AKAP6: variants seen among roughly 807,000 people sequenced by gnomAD.
AKAP6 encodes A-kinase anchor protein 6.
In AKAP6, 58 loss-of-function variants were observed where a neutral mutation model predicts 188.5. The ratio of observed to expected loss-of-function variants is 0.31; its 90% CI spans 0.25 to 0.38. AKAP6 has a LOEUF of 0.38. AKAP6 is among the 10% of genes least tolerant of loss of function. The probability of loss-of-function intolerance (pLI) is 1.00; values close to 1 mark genes in which losing one functional copy is unlikely to be tolerated. For synonymous variants in AKAP6, 989 were observed against 998.6 expected (o/e 0.99, Z 0.18); for missense variants, 2,710 against 2,740.0 (o/e 0.99, Z 0.24).
intron 9 of AKAP6, among the ~76,000 whole-genome samples, chr14:32,728,695 C>T (rs1005797131): frequency 3.3e-5 from 5 of 152,196 alleles, no homozygotes; most frequent in Non-Finnish European, 5.9e-5. Context: ...GCTTCACTCT[C>T]TGTTCAGCAA....
chr14:32,823,563 C>A lies in AKAP6; in HGVS notation c.5750C>A (p.Ser1917Ter). The A allele has an allele frequency of 6.2e-7, 1 of 1,613,876 alleles. No homozygotes were observed. The highest frequency in any genetic ancestry group is 8.5e-7 in the Non-Finnish European group (1 of 1,179,884). ...AAACCGAATGTGACTTCAAAGGTAT[C>A]AGAAAATCTTGGTTCACATGGGAAA... ...KGKPNVTSKV[S>*]ENLGSHGKEI... Residue 1917 changes from serine (S) to a stop codon, truncating the protein, a stop_gained, in exon 13 of 14, where the codon TCA becomes TAA. Coordinates refer to ENST00000280979, the MANE Select transcript of AKAP6 (RefSeq NM_004274.5). LOFTEE classifies it high-confidence loss of function.
intron 8 of AKAP6, among the ~76,000 whole-genome samples, chr14:32,681,249 T>G (rs1889663501): frequency 6.6e-6 from 1 of 152,232 alleles, no homozygotes; most frequent in African/African-American, 2.4e-5. Context: ...TTTATTTTTC[T>G]AATGAATTTC....
Position 32,822,537 on chromosome 14 carries a change from G to T in AKAP6, c.4724G>T (p.Gly1575Val), listed in dbSNP as rs750773356. The change falls in exon 13 of 14, where the codon GGT becomes GTT. Residue 1575 changes from glycine (G) to valine (V), a missense_variant. Around this residue, in one of 2 missense-constraint regions of AKAP6, gnomAD observed 2,473 missense variants for 2,426.1 expected, o/e 1.02. Coordinates refer to ENST00000280979, the MANE Select transcript of AKAP6 (RefSeq NM_004274.5). ...TCTATTGAGTCCCTTTCTCCAGGGGGTGATTTATTTGGATTGGGCATCTTT... is the reference window on the plus strand; with the variant it reads ...TCTATTGAGTCCCTTTCTCCAGGGGTTGATTTATTTGGATTGGGCATCTTT... ...SSSIESLSPGGDLFGLGIFKN... is the reference protein window; with the variant it reads ...SSSIESLSPGVDLFGLGIFKN... 28 of 1,613,914 alleles carry T rather than the reference G, an allele frequency of 1.7e-5. No homozygotes were observed. The highest frequency in any genetic ancestry group is 5.3e-5 in the African/African-American group (4 of 74,908).
At chr14:32,370,282 C>G (rs1566468875) in intron 1 of AKAP6, among the ~76,000 whole-genome samples, 1 of 152,230 alleles carries the variant, frequency 6.6e-6, no homozygotes. Flanking sequence ...AGGGGAGTAG[C>G]ATCACCTTCA....
intron 2 of AKAP6, among the ~76,000 whole-genome samples, chr14:32,512,313 CAGAG>C (rs1881300948): frequency 6.6e-6 from 1 of 152,152 alleles, no homozygotes; most frequent in African/African-American, 2.4e-5. Context: ...TGTGTATAAT[CAGAG>C]AGAAGAAAGT....
intron 1 of AKAP6, among the ~76,000 whole-genome samples, chr14:32,405,732 A>G (rs1889268740): frequency 6.6e-6 from 1 of 151,892 alleles, no homozygotes; most frequent in South Asian, 2.1e-4. Context: ...TGGTTTTATA[A>G]CCATCTAGCT....
Position 32,404,702 on chromosome 14 carries a change from A to ATATATATATG in AKAP6, c.-34-28749_-34-28748insGTATATATAT, listed in dbSNP as rs1566485576. Reference sequence around the variant, plus strand: ...ATGAGGAGTCAGGAGATATATATATATATATATATTAGTCAGAATGTCAGC... The same window carrying ATATATATATG: ...ATGAGGAGTCAGGAGATATATATATATATATATATGTATATATATTAGTCAGAATGTCAGC... On this transcript the variant is annotated intron_variant, in intron 1 of 13. Transcript: ENST00000280979. Among the ~76,000 whole-genome samples, 28 of 130,044 alleles carry ATATATATATG rather than the reference A, an allele frequency of 2.2e-4. 3 individuals carry two copies. The highest frequency in any genetic ancestry group is 1.0e-3 in the South Asian group (4 of 3,868). The allele number at this position is 130,044 out of a possible 152,430, so 85.3% of individuals were successfully genotyped here.
At chr14:32,406,066 C>T (rs190084886) in intron 1 of AKAP6, among the ~76,000 whole-genome samples, 5 of 152,314 alleles carry the variant, frequency 3.3e-5, no homozygotes, top group Admixed American at 1.3e-4. Context: ...GTAGGAACTG[C>T]TCCTGCAGCA....
chr14:32,696,186 G>C, intron 9 of AKAP6, 76 bp downstream of exon 9: 1 of 1,495,260 alleles, frequency 6.7e-7, no homozygotes, highest in Non-Finnish European at 8.9e-7. Context: ...CTCTCTCTCA[G>C]GATATCTTTT....
At chr14:32,787,227 G>A (rs1342309222) in intron 12 of AKAP6, among the ~76,000 whole-genome samples, 3 of 152,252 alleles carry the variant, frequency 2.0e-5, no homozygotes, top group East Asian at 1.9e-4. Flanking sequence ...AAGAAAGGGG[G>A]GGAACCCCAC....
chr14:32,834,942 A>AT lies in AKAP6; in HGVS notation c.*5143dup, dbSNP rs1257704368. ...TTGACGAGCTTCAAACAATTTTTAC[A>AT]TTTTTTAGTAGTTAAACAAAAGAAT... On this transcript the variant is annotated 3_prime_UTR_variant, in exon 14 of 14. Coordinates refer to ENST00000280979, the MANE Select transcript of AKAP6 (RefSeq NM_004274.5). The AT allele has an allele frequency of 6.6e-6, 1 of 152,184 alleles. No individual in the cohort carries two copies. The highest frequency in any genetic ancestry group is 2.4e-5 in the African/African-American group (1 of 41,438). The allele number at this position is 152,184 out of a possible 1,614,324, so 9.4% of individuals were successfully genotyped here.
intron 7 of AKAP6, among the ~76,000 whole-genome samples, chr14:32,653,182 G>A (rs1302292920): frequency 6.6e-6 from 1 of 152,130 alleles, no homozygotes; most frequent in Non-Finnish European, 1.5e-5. Context: ...CTCGAGTTAG[G>A]TATTCTGTCA....
At chr14:32,757,137 T>C (rs568036481) in intron 11 of AKAP6, among the ~76,000 whole-genome samples, 1 of 152,304 alleles carries the variant, frequency 6.6e-6, no homozygotes, top group Admixed American at 6.5e-5. Flanking sequence ...ACAGCTATAA[T>C]GTAAAAGTTT....
At chr14:32,500,193 T>C (rs1273139827) in intron 2 of AKAP6, among the ~76,000 whole-genome samples, 1 of 152,144 alleles carries the variant, frequency 6.6e-6, no homozygotes, top group Non-Finnish European at 1.5e-5. Flanking sequence ...TCCATGAAGT[T>C]ATCAGCAGGA....
chr14:32,540,168 C>CTCTATATATATATATATA (rs1240063339), intron 3 of AKAP6, among the ~76,000 whole-genome samples: 3 of 60,920 alleles, frequency 4.9e-5, no homozygotes, highest in African/African-American at 2.9e-4. Flanking sequence ...CTCTCTCTCT[C>CTCTATATATATATATATA]TATATATATA....
chr14:32,479,185 T>C (rs1879217557), intron 2 of AKAP6, among the ~76,000 whole-genome samples: 1 of 152,210 alleles, frequency 6.6e-6, no homozygotes, highest in African/African-American at 2.4e-5. Context: ...CTGATACATA[T>C]TCTTATAAAA....
chr14:32,659,085 G>A (rs1888575753), intron 7 of AKAP6, among the ~76,000 whole-genome samples: 1 of 152,076 alleles, frequency 6.6e-6, no homozygotes. Flanking sequence ...TTAAATGTCT[G>A]TAAAACCAGT....
At position 32,546,739 on chromosome 14, in the gene AKAP6, G is replaced by A; in HGVS notation, c.2086G>A (p.Val696Met). The A allele has an allele frequency of 6.2e-7, 1 of 1,614,136 alleles. No homozygotes were observed. Among genetic ancestry groups the A allele is most frequent in the Non-Finnish European group, 8.5e-7 (1 of 1,180,028 alleles). Residue 696 changes from valine (V) to methionine (M), a missense_variant, in exon 4 of 14, where the codon GTG (valine) becomes ATG (methionine). Val to Met is a conservative substitution (Grantham distance 21). Around this residue, in one of 2 missense-constraint regions of AKAP6, gnomAD observed 2,473 missense variants for 2,426.1 expected, o/e 1.02. Coordinates refer to ENST00000280979, the MANE Select transcript of AKAP6 (RefSeq NM_004274.5). ...VKKKHTRLGRVSPSSSSDIAS... is the reference protein window; with the variant it reads ...VKKKHTRLGRMSPSSSSDIAS... ...AAAGAAGCATACAAGGCTAGGCAGGGTGTCTCCAAGCTCATCTAGTGACAT... is the reference window on the plus strand; with the variant it reads ...AAAGAAGCATACAAGGCTAGGCAGGATGTCTCCAAGCTCATCTAGTGACAT...
intron 7 of AKAP6, among the ~76,000 whole-genome samples, chr14:32,650,734 A>T (rs1888185481): frequency 6.6e-6 from 1 of 152,154 alleles, no homozygotes; most frequent in Non-Finnish European, 1.5e-5. Flanking sequence ...GTTCCCCAAG[A>T]GGTGGAATAA....
Sources: allele counts gnomAD v4.1 joint callset (sites outside exome capture counted in the v4.1 genomes callset), GRCh38; gene constraint gnomAD v4.1.1; regional missense constraint gnomAD v4.1.1; transcripts MANE v1.5; gene names NCBI Gene and HGNC (gene_info 2026-07-23, HGNC 2026-07-21).